Variants in NMNAT3 observed in about 807,000 individuals in gnomAD.
NMNAT3 encodes nicotinamide nucleotide adenylyltransferase 3.
Under a neutral mutation model 24.8 loss-of-function variants are expected in NMNAT3, and 21 were observed. That is an observed-to-expected ratio of 0.85 (90% CI 0.60 to 1.22). The LOEUF (loss-of-function observed/expected upper bound fraction) is 1.22. Among genes scored for constraint, NMNAT3 ranks in the 50% most tolerant of loss-of-function variants. The probability of loss-of-function intolerance (pLI) is 0.00; values close to 1 mark genes in which losing one functional copy is unlikely to be tolerated. For missense variants in NMNAT3, 387 were observed against 436.6 expected (o/e 0.89, Z 1.01); for synonymous variants, 136 against 155.2 (o/e 0.88, Z 0.92).
intron 3 of NMNAT3, among the ~76,000 whole-genome samples, chr3:139,595,815 A>G (rs2054427310): frequency 6.6e-6 from 1 of 152,214 alleles, no homozygotes; most frequent in Non-Finnish European, 1.5e-5. Context: ...TCAATTCAAG[A>G]TGGATTAAAG....
intron 1 of NMNAT3, among the ~76,000 whole-genome samples, chr3:139,660,886 G>A (rs2057393015): frequency 1.3e-5 from 2 of 152,176 alleles, no homozygotes; most frequent in Admixed American, 6.5e-5. Context: ...GAACTTTCAT[G>A]TAAAACCAAA....
intron 5 of NMNAT3, chr3:139,576,211 T>A (rs1446882714): frequency 1.0e-6 from 1 of 985,294 alleles, no homozygotes; most frequent in Non-Finnish European, 1.2e-6. Flanking sequence ...ACCACCTGAC[T>A]TTACAATTAT....
intron 3 of NMNAT3, among the ~76,000 whole-genome samples, chr3:139,615,691 C>T (rs567233591): frequency 6.8e-6 from 1 of 146,858 alleles, no homozygotes; most frequent in East Asian, 2.1e-4. Context: ...TTGCTCAATG[C>T]TAGTATACAC....
chr3:139,576,846 C>T (rs557607169), intron 5 of NMNAT3, among the ~76,000 whole-genome samples: 3 of 152,164 alleles, frequency 2.0e-5, no homozygotes, highest in African/African-American at 2.4e-5. Context: ...CGCCTGAGGT[C>T]GGAGTTGGAG....
intron 3 of NMNAT3, among the ~76,000 whole-genome samples, chr3:139,623,442 T>C (rs937793844): frequency 1.8e-4 from 28 of 152,306 alleles, no homozygotes; most frequent in African/African-American, 6.7e-4. Flanking sequence ...GTTAACTTTT[T>C]TTTTAAATAA....
chr3:139,590,899 A>G (rs1027353185), intron 3 of NMNAT3, among the ~76,000 whole-genome samples: 6 of 152,294 alleles, frequency 3.9e-5, no homozygotes, highest in Non-Finnish European at 5.9e-5. Context: ...TGAAAACATC[A>G]CTTTTAATAG....
At chr3:139,585,450 T>C (rs781160719) in intron 3 of NMNAT3, among the ~76,000 whole-genome samples, 15 of 152,370 alleles carry the variant, frequency 9.8e-5, no homozygotes, top group Non-Finnish European at 2.9e-5. Context: ...AGTTTCAAAG[T>C]CTGTACAGGT....
rs775464771 is a variant in NMNAT3, at chr3:139,573,630, T to C, written c.626A>G (p.Asp209Gly). 6.2e-7 allele frequency: 1 copy of C among 1,605,902 alleles called. No individual in the cohort carries two copies. Among genetic ancestry groups the C allele is most frequent in the Admixed American group, 1.7e-5 (1 of 58,342 alleles). The change falls in exon 6 of 7, where the codon GAC (aspartate) becomes GGC (glycine). Residue 209 changes from aspartate (D) to glycine (G), a missense_variant. Asp to Gly is a moderately conservative substitution (Grantham distance 94, BLOSUM62 -1). Around this residue, in one of 3 missense-constraint regions of NMNAT3, gnomAD observed 323 missense variants for 345.2 expected, o/e 0.94. Transcript: ENST00000643695. ...GGTCGAGAAGAGTGCCTTGCCATGG[T>C]CTGGGCCTTCCATCTGGGGTGGAGA...
chr3:139,630,697 G>A (rs757043415), intron 2 of NMNAT3, among the ~76,000 whole-genome samples: 48 of 152,124 alleles, frequency 3.2e-4, no homozygotes, highest in Non-Finnish European at 1.8e-4. Context: ...CAGCCTAGGC[G>A]GGCCGTGGTC....
chr3:139,665,599 A>T (rs148696224), intron 1 of NMNAT3, among the ~76,000 whole-genome samples: 1 of 152,158 alleles, frequency 6.6e-6, no homozygotes, highest in Non-Finnish European at 1.5e-5. Context: ...GAAAGATGGC[A>T]TATGTTATTC....
intron 1 of NMNAT3, among the ~76,000 whole-genome samples, chr3:139,658,324 G>C (rs1024951405): frequency 1.3e-4 from 20 of 152,164 alleles, no homozygotes; most frequent in African/African-American, 4.8e-4. Context: ...TCAGAGTCCT[G>C]TCTCCCAGTG....
chr3:139,575,896 G>A, intron 5 of NMNAT3: 1 of 1,279,758 alleles, frequency 7.8e-7, no homozygotes, highest in Non-Finnish European at 1.0e-6. Flanking sequence ...TTTGAAGATG[G>A]CCATAAGCAT....
intron 3 of NMNAT3, among the ~76,000 whole-genome samples, chr3:139,605,820 AT>A (rs2054917231): frequency 6.6e-6 from 1 of 152,038 alleles, no homozygotes; most frequent in Admixed American, 6.6e-5. Flanking sequence ...ACCTCATGGG[AT>A]TGTTTTGGCA....
intron 3 of NMNAT3, among the ~76,000 whole-genome samples, chr3:139,611,527 T>C (rs1293356699): frequency 6.6e-6 from 1 of 152,246 alleles, no homozygotes; most frequent in Non-Finnish European, 1.5e-5. Context: ...TAGTGATCTC[T>C]TTCTGTGACA....
At chr3:139,670,257 G>A (rs936640423) in intron 1 of NMNAT3, among the ~76,000 whole-genome samples, 3 of 152,162 alleles carry the variant, frequency 2.0e-5, no homozygotes, top group Non-Finnish European at 4.4e-5. Flanking sequence ...AGGCCTCATC[G>A]TCTTAGAGCA....
chr3:139,605,531 C>T (rs909275845), intron 3 of NMNAT3, among the ~76,000 whole-genome samples: 2 of 152,118 alleles, frequency 1.3e-5, no homozygotes, highest in African/African-American at 4.8e-5. Flanking sequence ...CATCTTCATC[C>T]TCATCTTCCT....
chr3:139,583,226 G>C, intron 3 of NMNAT3: 1 of 1,206,556 alleles, frequency 8.3e-7, no homozygotes, highest in South Asian at 1.2e-5. Context: ...ACAAGAAAAC[G>C]TGTAAATGTT....
chr3:139,618,496 A>C (rs1251019170), intron 3 of NMNAT3, among the ~76,000 whole-genome samples: 1 of 151,306 alleles, frequency 6.6e-6, no homozygotes, highest in Non-Finnish European at 1.5e-5. Context: ...TGCAAGGCCC[A>C]AAAGTAGTTA....
At chr3:139,617,576 C>T (rs751054892) in intron 3 of NMNAT3, among the ~76,000 whole-genome samples, 1 of 152,146 alleles carries the variant, frequency 6.6e-6, no homozygotes, top group Non-Finnish European at 1.5e-5. Context: ...GAAAGGATGA[C>T]ATAAGTGTTT....
Sources: allele counts gnomAD v4.1 joint callset (sites outside exome capture counted in the v4.1 genomes callset), GRCh38; gene constraint gnomAD v4.1.1; regional missense constraint gnomAD v4.1.1; transcripts MANE v1.5; gene names NCBI Gene and HGNC (gene_info 2026-07-23, HGNC 2026-07-21).